EPHA6: variants seen among roughly 807,000 people sequenced by gnomAD.
EPHA6 encodes ephrin type-A receptor 6.
EPHA6 carries 50 observed loss-of-function variants against 112.0 expected under a neutral mutation model. The observed-to-expected ratio is 0.45, with a 90% confidence interval of 0.36 to 0.56. The LOEUF is 0.56. EPHA6 is among the 20% of genes least tolerant of loss of function. The pLI, the probability that EPHA6 is intolerant of heterozygous loss-of-function variation, is 0.00. For missense variants in EPHA6, 1,280 were observed against 1,417.4 expected (o/e 0.90, Z 1.56); for synonymous variants, 529 against 490.7 (o/e 1.08, Z -1.03).
intron 5 of EPHA6, among the ~76,000 whole-genome samples, chr3:97,308,715 T>C (rs370638967): frequency 9.2e-5 from 14 of 151,796 alleles, no homozygotes; most frequent in African/African-American, 3.1e-4. Context: ...CGCTATTTTA[T>C]CACTGGTAGT....
chr3:97,496,200 C>G (rs1211447549), intron 10 of EPHA6, among the ~76,000 whole-genome samples: 3 of 152,044 alleles, frequency 2.0e-5, no homozygotes, highest in African/African-American at 7.2e-5. Context: ...TAATGCAGTT[C>G]CTTGTTCACA....
chr3:96,890,387 G>A lies in EPHA6; in HGVS notation c.450+23498G>A, dbSNP rs550710490. 8.5e-5 allele frequency among the ~76,000 whole-genome samples: 13 copies of A among 152,162 alleles called. No homozygotes were observed. In the South Asian group the frequency reaches 2.7e-3, roughly 32 times the overall value. ...TGTGAGTATTTGAGAAGTGAGAATG[G>A]CCAAATAGTCAATAGACATATGAAA... On this transcript the variant is annotated intron_variant, in intron 2 of 17. Transcript: ENST00000389672.
intron 5 of EPHA6, among the ~76,000 whole-genome samples, chr3:97,303,312 A>G (rs2081173800): frequency 6.6e-6 from 1 of 152,066 alleles, no homozygotes; most frequent in African/African-American, 2.4e-5. Context: ...AAATAAGCTA[A>G]AAGAATTTTG....
At position 97,133,504 on chromosome 3, in the gene EPHA6, A is replaced by G. The variant is rs114769724; in HGVS notation, c.1115-92760A>G. 5.4e-3 allele frequency among the ~76,000 whole-genome samples: 829 copies of G among 152,166 alleles called. 5 individuals are homozygous for G. Among genetic ancestry groups the G allele is most frequent in the African/African-American group, 0.019 (783 of 41,576 alleles). The stretch of plus-strand genomic sequence containing the variant: ...TGTACAGTTGACACAAACATTTAGA[A>G]TGACTCTAGAGGCTATAAAAGCTTA... On this transcript the variant is annotated intron_variant, in intron 3 of 17. Transcript: ENST00000389672.
At chr3:97,430,998 C>T (rs2089468055) in intron 6 of EPHA6, among the ~76,000 whole-genome samples, 1 of 151,872 alleles carries the variant, frequency 6.6e-6, no homozygotes, top group Admixed American at 6.6e-5. Flanking sequence ...GAAAAAACAA[C>T]AATAAAGAAC....
At chr3:97,648,580 T>A (rs1482841378) in intron 14 of EPHA6, 6 of 1,192,890 alleles carry the variant, frequency 5.0e-6, no homozygotes, top group Admixed American at 9.0e-5. Flanking sequence ...ACAAGTGAGA[T>A]CTGCCTTTAA....
At chr3:96,943,845 G>A (rs2041111067) in intron 2 of EPHA6, among the ~76,000 whole-genome samples, 1 of 151,994 alleles carries the variant, frequency 6.6e-6, no homozygotes, top group African/African-American at 2.4e-5. Context: ...ATTGAAAAAA[G>A]TATCTGTAAA....
intron 11 of EPHA6, among the ~76,000 whole-genome samples, chr3:97,546,042 T>C (rs1177234503): frequency 6.6e-6 from 1 of 152,240 alleles, no homozygotes; most frequent in Non-Finnish European, 1.5e-5. Flanking sequence ...GTGCTTTTAA[T>C]TGGAGCATTT....
intron 15 of EPHA6, among the ~76,000 whole-genome samples, chr3:97,725,282 G>A (rs577114858): frequency 6.6e-6 from 1 of 152,198 alleles, no homozygotes; most frequent in African/African-American, 2.4e-5. Context: ...TCCCAGAGGA[G>A]ATTCTGGCTG....
At chr3:97,544,260 C>T (rs932637812) in intron 11 of EPHA6, among the ~76,000 whole-genome samples, 78 of 151,912 alleles carry the variant, frequency 5.1e-4, no homozygotes, top group African/African-American at 6.8e-4. Context: ...TTTTGAGATA[C>T]GTCCCATCAA....
At chr3:97,210,807 G>A (rs1178947713) in intron 3 of EPHA6, among the ~76,000 whole-genome samples, 1 of 152,176 alleles carries the variant, frequency 6.6e-6, no homozygotes, top group Non-Finnish European at 1.5e-5. Context: ...GGATTGGCAA[G>A]GGCAGCTCAT....
intron 2 of EPHA6, among the ~76,000 whole-genome samples, chr3:96,980,652 A>G (rs1042241437): frequency 2.0e-5 from 3 of 150,978 alleles, no homozygotes; most frequent in Non-Finnish European, 4.4e-5. Context: ...CAGTATGGCC[A>G]TTTTCATGAT....
intron 1 of EPHA6, among the ~76,000 whole-genome samples, chr3:96,855,725 A>G (rs1184823899): frequency 9.2e-5 from 14 of 152,108 alleles, no homozygotes; most frequent in Admixed American, 9.2e-4. Context: ...TTCCTGAAGA[A>G]CATAAAATTT....
intron 1 of EPHA6, among the ~76,000 whole-genome samples, chr3:96,846,930 T>A (rs576401153): frequency 6.6e-6 from 1 of 152,194 alleles, no homozygotes; most frequent in African/African-American, 2.4e-5. Context: ...GTTTGACTTT[T>A]AGTTATCAAG....
intron 3 of EPHA6, among the ~76,000 whole-genome samples, chr3:97,167,869 T>C (rs2076580506): frequency 1.3e-5 from 2 of 151,940 alleles, no homozygotes; most frequent in South Asian, 4.2e-4. Flanking sequence ...CTCACCATTT[T>C]TATTATTAGT....
intron 3 of EPHA6, among the ~76,000 whole-genome samples, chr3:97,172,517 A>G (rs978917500): frequency 2.6e-5 from 4 of 152,176 alleles, no homozygotes; most frequent in East Asian, 1.9e-4. Context: ...GTACTTGTAC[A>G]TAGAGGAAAT....
At chr3:97,613,057 T>C (rs956770116) in intron 13 of EPHA6, among the ~76,000 whole-genome samples, 4 of 151,940 alleles carry the variant, frequency 2.6e-5, no homozygotes, top group African/African-American at 9.7e-5. Context: ...AGTCACATTA[T>C]TATAATGCAA....
At chr3:96,922,139 G>A (rs182413355) in intron 2 of EPHA6, among the ~76,000 whole-genome samples, 9 of 152,160 alleles carry the variant, frequency 5.9e-5, no homozygotes, top group African/African-American at 2.2e-4. Context: ...TTGTAATTAA[G>A]GAAAGAATTA....
chr3:97,493,119 T>C (rs2091893364), intron 10 of EPHA6, among the ~76,000 whole-genome samples: 1 of 151,706 alleles, frequency 6.6e-6, no homozygotes, highest in Non-Finnish European at 1.5e-5. Context: ...TTACTTTTAT[T>C]GGGCAAAGAA....
Sources: gnomAD v4.1 joint callset for allele counts (sites outside exome capture counted in the v4.1 genomes callset) on GRCh38, gnomAD v4.1.1 for gene constraint, MANE v1.5 for transcripts, NCBI Gene and HGNC (gene_info 2026-07-23, HGNC 2026-07-21) for gene names.